The following EBF4 variants were observed in gnomAD, a reference collection of about 807,000 sequenced individuals.
The protein encoded by EBF4 is EBF transcription factor 4.
In EBF4, 34 loss-of-function variants were observed where a neutral mutation model predicts 67.1. The ratio of observed to expected loss-of-function variants is 0.51; its 90% CI spans 0.39 to 0.67. The LOEUF (loss-of-function observed/expected upper bound fraction) is 0.67. Ranked by LOEUF, EBF4 falls within the 30% of genes least tolerant of loss-of-function variation. The pLI, the probability that EBF4 is intolerant of heterozygous loss-of-function variation, is 0.00. For synonymous variants in EBF4, 387 were observed against 377.7 expected, an observed-to-expected ratio of 1.02 and a Z score of -0.29; for missense variants, 837 against 873.3, an observed-to-expected ratio of 0.96 and a Z score of 0.52.
At chr20:2,705,496 C>T in intron 1 of EBF4, 81 bp from the exon 2 acceptor site, 1 of 1,538,984 alleles carries the variant, frequency 6.5e-7, no homozygotes, top group Non-Finnish European at 8.8e-7. Context: ...TCCTGGCTAG[C>T]ATGCCTGCCT....
chr20:2,693,971 G>C lies in EBF4; in HGVS notation c.137+189G>C, dbSNP rs1036400388. Among the ~76,000 whole-genome samples, 1 of 152,208 alleles carries C rather than the reference G, an allele frequency of 6.6e-6. No homozygotes were observed. The highest frequency in any genetic ancestry group is 1.5e-5 in the Non-Finnish European group (1 of 68,032). On this transcript the variant is annotated intron_variant, in intron 1 of 16. Transcript: ENST00000609451. This position sits in a 1 kb window ranked among gnomAD's most constrained non-coding sequence, Gnocchi z 4.6. ...TGAGGCTGTGGGGCGGGCTGGGGCGGGGCTTCTGCCTCCACTCCGGGCTGC... is the reference window on the plus strand; with the variant it reads ...TGAGGCTGTGGGGCGGGCTGGGGCGCGGCTTCTGCCTCCACTCCGGGCTGC...
chr20:2,724,147 A>G (rs1227749237), intron 6 of EBF4, among the ~76,000 whole-genome samples: 2 of 152,212 alleles, frequency 1.3e-5, no homozygotes, highest in African/African-American at 4.8e-5. Context: ...ATTCAGTGAC[A>G]CCCATTGGCA....
chr20:2,700,871 C>T (rs1406869025), intron 1 of EBF4, among the ~76,000 whole-genome samples: 1 of 152,200 alleles, frequency 6.6e-6, no homozygotes, highest in East Asian at 1.9e-4. Context: ...CTGTTGCTCT[C>T]GAGTCCTATT....
intron 6 of EBF4, among the ~76,000 whole-genome samples, chr20:2,720,423 C>G (rs1461512014): frequency 1.3e-5 from 2 of 152,034 alleles, no homozygotes; most frequent in African/African-American, 4.8e-5. Flanking sequence ...TCTTTTTCTT[C>G]ATTTTTTTTC....
chr20:2,703,922 G>A (rs1015909816), intron 1 of EBF4, among the ~76,000 whole-genome samples: 4 of 152,078 alleles, frequency 2.6e-5, no homozygotes, highest in African/African-American at 7.2e-5. Flanking sequence ...TTCCAAGGTC[G>A]CTCATGCTGG....
At chr20:2,715,471 TA>T (rs1342407511) in intron 6 of EBF4, among the ~76,000 whole-genome samples, 1 of 152,204 alleles carries the variant, frequency 6.6e-6, no homozygotes, top group East Asian at 1.9e-4. Context: ...AGAGTTTGTT[TA>T]GGATATAAAC....
intron 6 of EBF4, among the ~76,000 whole-genome samples, chr20:2,719,642 C>A (rs1334435769): frequency 3.3e-5 from 5 of 152,162 alleles, no homozygotes; most frequent in Admixed American, 2.0e-4. Context: ...AGGGCTCAAG[C>A]AATCTGCCCA....
rs2088116858 is a variant in EBF4, at chr20:2,749,989, G to A, written c.1018+16G>A. ...GTCTACACAGGTAAGGAGTCGGGCG[G>A]GGGAGTGGAGGTCTAAGGTGCGCGG... On this transcript the variant is annotated intron_variant, in intron 10 of 16. Transcript: ENST00000609451. 2 of 1,543,160 alleles carry A rather than the reference G, an allele frequency of 1.3e-6. No homozygotes were observed. Among genetic ancestry groups the A allele is most frequent in the African/African-American group, 1.4e-5 (1 of 72,906 alleles).
intron 6 of EBF4, among the ~76,000 whole-genome samples, chr20:2,741,666 G>T (rs2087970647): frequency 6.6e-6 from 1 of 152,166 alleles, no homozygotes; most frequent in Admixed American, 6.5e-5. Context: ...GGTAAGGTGG[G>T]TGTGTGGGTG....
chr20:2,701,006 G>A (rs764504738), intron 1 of EBF4, among the ~76,000 whole-genome samples: 1 of 152,208 alleles, frequency 6.6e-6, no homozygotes, highest in Non-Finnish European at 1.5e-5. Context: ...CCCAGGCAAG[G>A]GGCAGCCCCA....
chr20:2,719,152 G>A (rs2087646971), intron 6 of EBF4, among the ~76,000 whole-genome samples: 1 of 152,144 alleles, frequency 6.6e-6, no homozygotes, highest in African/African-American at 2.4e-5. Context: ...GAGTGCAGTG[G>A]CATTATGATG....
At chr20:2,744,174 G>A (rs1485463513) in intron 6 of EBF4, among the ~76,000 whole-genome samples, 1 of 149,302 alleles carries the variant, frequency 6.7e-6, no homozygotes, top group East Asian at 2.0e-4. Flanking sequence ...TCCGCCTCCC[G>A]GGTTCAAGTG....
At position 2,745,624 on chromosome 20, in the gene EBF4, C is replaced by G. The variant is rs78107661; in HGVS notation, c.558-2925C>G. Among the ~76,000 whole-genome samples, 384 of 152,342 alleles carry G rather than the reference C, an allele frequency of 2.5e-3. 3 individuals carry two copies. Among genetic ancestry groups the G allele is most frequent in the Non-Finnish European group, 2.0e-3 (138 of 68,026 alleles). ...TACTGTAAAGGGACAGTGGCAAGACCTGCTGAGCAAAGGCTTGGGGAAGGG... is the reference window on the plus strand; with the variant it reads ...TACTGTAAAGGGACAGTGGCAAGACGTGCTGAGCAAAGGCTTGGGGAAGGG... On this transcript the variant is annotated intron_variant, in intron 6 of 16. Coordinates refer to ENST00000609451, the Ensembl canonical transcript of EBF4. The surrounding 1 kb of genome is among the most constrained non-coding windows in gnomAD (Gnocchi z 5.2).
intron 10 of EBF4, among the ~76,000 whole-genome samples, chr20:2,750,694 C>T (rs2088130939): frequency 6.6e-6 from 1 of 152,204 alleles, no homozygotes; most frequent in African/African-American, 2.4e-5. Context: ...CCCGGAGCTC[C>T]AGTCTAACGC....
chr20:2,746,448 G>A lies in EBF4; in HGVS notation c.558-2101G>A, dbSNP rs182903654. ...ACTGTGGGGGAACATGACAAGTGCTGAGAATGTAGACAGAGGCAGGACCCC... is the reference window on the plus strand; with the variant it reads ...ACTGTGGGGGAACATGACAAGTGCTAAGAATGTAGACAGAGGCAGGACCCC... On this transcript the variant is annotated intron_variant, in intron 6 of 16. Transcript: ENST00000609451. Among the ~76,000 whole-genome samples the A allele has an allele frequency of 1.6e-3, 240 of 152,230 alleles. 4 individuals are homozygous for A. In the South Asian group the frequency reaches 0.025, roughly 16 times the overall value.
chr20:2,743,328 A>C (rs1220175512), intron 6 of EBF4, among the ~76,000 whole-genome samples: 1 of 152,190 alleles, frequency 6.6e-6, no homozygotes, highest in Non-Finnish European at 1.5e-5. Flanking sequence ...CTCTAGGTCC[A>C]GGGGAGAGCC....
chr20:2,749,421 G>A, exon 8 of EBF4: 2 of 1,544,898 alleles, frequency 1.3e-6, no homozygotes, highest in African/African-American at 1.4e-5. Flanking sequence ...CCACGACGGT[G>A]AGCGTGGACG....
chr20:2,754,777 G>A (rs1241209884), intron 14 of EBF4, among the ~76,000 whole-genome samples: 1 of 152,184 alleles, frequency 6.6e-6, no homozygotes, highest in African/African-American at 2.4e-5. Flanking sequence ...CCCCAGGCCT[G>A]AGCCCCCAGG....
intron 1 of EBF4, among the ~76,000 whole-genome samples, chr20:2,701,743 C>T (rs1453884811): frequency 1.3e-5 from 2 of 152,204 alleles, no homozygotes; most frequent in African/African-American, 4.8e-5. Context: ...GCCTTCCAGG[C>T]CCCTTCGCTG....
Sources: allele counts gnomAD v4.1 joint callset (sites outside exome capture counted in the v4.1 genomes callset), GRCh38; gene constraint gnomAD v4.1.1; non-coding constraint Gnocchi (gnomAD v3.1); transcripts MANE v1.5; gene names NCBI Gene and HGNC (gene_info 2026-07-23, HGNC 2026-07-21).